The following KDELR3 variants were observed in gnomAD, a reference collection of about 807,000 sequenced individuals.
KDELR3 encodes ER lumen protein-retaining receptor 3.
In KDELR3, 26 loss-of-function variants were observed where a neutral mutation model predicts 22.7. That is an observed-to-expected ratio of 1.15 (90% CI 0.84 to 1.59). The LOEUF (loss-of-function observed/expected upper bound fraction) is 1.59, where lower values mean the gene tolerates loss of function less well. KDELR3 is among the 40% of genes most tolerant of loss of function. The probability of loss-of-function intolerance (pLI) is 0.00; values close to 1 mark genes in which losing one functional copy is unlikely to be tolerated. For missense variants in KDELR3, 289 were observed against 251.1 expected, an observed-to-expected ratio of 1.15 and a Z score of -1.02; for synonymous variants, 120 against 98.2, an observed-to-expected ratio of 1.22 and a Z score of -1.31.
intron 1 of KDELR3, among the ~76,000 whole-genome samples, chr22:38,469,273 T>C (rs936874077): frequency 6.6e-6 from 1 of 151,552 alleles, no homozygotes; most frequent in African/African-American, 2.4e-5. Flanking sequence ...AGATTTGGGG[T>C]GGTCTGGAGG....
Position 38,474,569 on chromosome 22 carries a change from C to T in KDELR3, c.138C>T (p.Thr46=). ...TCCTGTTTGCTCTCGTCTTCACCAC[C>T]AGGTACCTGGACCTGTTCACCAACT... ...SQILFALVFT[T]RYLDLFTNFI... is the part of the protein sequence containing the mutation. Residue 46 remains threonine (T), a synonymous_variant, in exon 2 of 5, where the codon ACC becomes ACT. Transcript: ENST00000216014. 1 of 1,614,106 alleles carries T rather than the reference C, an allele frequency of 6.2e-7. No homozygotes were observed. Among genetic ancestry groups the T allele is most frequent in the Non-Finnish European group, 8.5e-7 (1 of 1,180,008 alleles).
intron 4 of KDELR3, among the ~76,000 whole-genome samples, chr22:38,481,888 G>A (rs1022802713): frequency 6.6e-6 from 1 of 152,182 alleles, no homozygotes; most frequent in Admixed American, 6.5e-5. Context: ...AAGAATTGTC[G>A]TGGGCCACAC....
chr22:38,474,334 C>T (rs572792434), intron 1 of KDELR3, 189 bp from the exon 2 acceptor site: 3 of 548,726 alleles, frequency 5.5e-6, no homozygotes, highest in South Asian at 2.3e-5. Flanking sequence ...AGAGGAACGA[C>T]GACTCAAGTG....
rs762524712 is a variant in KDELR3 at position 38,481,406 on chromosome 22, G to C, written c.546G>C (p.Val182=). The C allele has an allele frequency of 1.5e-5, 25 of 1,614,086 alleles. No individual in the cohort carries two copies. The African/African-American group carries it at 3.2e-4, about 21-fold the overall frequency. ...TENFYDQIAV[V]SGVVQTIFYC... Reference sequence around the variant, plus strand: ...ATTTCTATGACCAAATTGCAGTCGTGTCTGGAGTAGTACAAACCATCTTCT... The same window carrying C: ...ATTTCTATGACCAAATTGCAGTCGTCTCTGGAGTAGTACAAACCATCTTCT... Residue 182 remains valine (V), a synonymous_variant, in exon 4 of 5, where the codon GTG becomes GTC. Transcript: ENST00000216014.
chr22:38,479,575 G>GTC lies in KDELR3; in HGVS notation c.193-11_193-10dup. 6.2e-7 allele frequency: 1 copy of GTC among 1,607,064 alleles called. No individual in the cohort carries two copies. Among genetic ancestry groups the GTC allele is most frequent in the South Asian group, 1.1e-5 (1 of 90,974 alleles). ...ATGACTTCATAGATTCGATTCCCAT[G>GTC]TCTCTCTCCCCTTTTAGGTGGTTTT... On this transcript the variant is annotated splice_polypyrimidine_tract_variant and intron_variant, in intron 2 of 4. Transcript: ENST00000216014.
chr22:38,471,883 G>A (rs2089527259), intron 1 of KDELR3, among the ~76,000 whole-genome samples: 1 of 137,610 alleles, frequency 7.3e-6, no homozygotes, highest in Non-Finnish European at 1.5e-5. Flanking sequence ...GGGGTCATCC[G>A]AGCCTGGGAG....
chr22:38,472,995 C>T (rs1205243316), intron 1 of KDELR3, among the ~76,000 whole-genome samples: 9 of 152,156 alleles, frequency 5.9e-5, no homozygotes, highest in South Asian at 4.1e-4. Flanking sequence ...CCACCGCCCC[C>T]GGCCCAAATA....
chr22:38,469,652 G>A (rs1336128226), intron 1 of KDELR3, among the ~76,000 whole-genome samples: 1 of 152,092 alleles, frequency 6.6e-6, no homozygotes, highest in Non-Finnish European at 1.5e-5. Flanking sequence ...GGGAGAATCA[G>A]CTCCAACCTC....
intron 2 of KDELR3, among the ~76,000 whole-genome samples, chr22:38,474,846 C>T (rs1012223560): frequency 2.0e-5 from 3 of 152,046 alleles, no homozygotes; most frequent in Admixed American, 1.3e-4. Context: ...CCTGTAATCC[C>T]AGCAATTTGG....
chr22:38,470,122 ACTT>A (rs969528806), intron 1 of KDELR3, among the ~76,000 whole-genome samples: 2 of 139,226 alleles, frequency 1.4e-5, no homozygotes, highest in African/African-American at 5.4e-5. Context: ...CACTGCGCCC[ACTT>A]CTTTTTTTTT....
At chr22:38,471,682 G>C (rs2089525986) in intron 1 of KDELR3, among the ~76,000 whole-genome samples, 3 of 152,190 alleles carry the variant, frequency 2.0e-5, no homozygotes, top group Non-Finnish European at 4.4e-5. Context: ...TGTTCCCCCA[G>C]GCTGGGTGCA....
At chr22:38,478,260 T>C (rs971746866) in intron 2 of KDELR3, among the ~76,000 whole-genome samples, 2 of 151,954 alleles carry the variant, frequency 1.3e-5, no homozygotes, top group African/African-American at 4.8e-5. Flanking sequence ...ATACAAACTT[T>C]TAAGGCTGGG....
Sources: gnomAD v4.1 joint callset for allele counts (sites outside exome capture counted in the v4.1 genomes callset) on GRCh38, gnomAD v4.1.1 for gene constraint, MANE v1.5 for transcripts, NCBI Gene and HGNC (gene_info 2026-07-23, HGNC 2026-07-21) for gene names.